The following CCSER1 variants were observed in gnomAD, a reference collection of about 807,000 sequenced individuals.
The protein encoded by CCSER1 is coiled-coil serine rich protein 1, also known as serine-rich coiled-coil domain-containing protein 1.
CCSER1 carries 41 observed loss-of-function variants against 82.0 expected under a neutral mutation model. That is an observed-to-expected ratio of 0.50 (90% CI 0.39 to 0.65). The LOEUF is 0.65. Among genes scored for constraint, CCSER1 ranks in the 30% least tolerant of loss-of-function variants. The pLI, the probability that CCSER1 is intolerant of heterozygous loss-of-function variation, is 0.00. For synonymous variants in CCSER1, 414 were observed against 383.9 expected (o/e 1.08, Z -0.92); for missense variants, 1,119 against 1,064.2 (o/e 1.05, Z -0.72).
intron 5 of CCSER1, among the ~76,000 whole-genome samples, chr4:90,472,385 T>C (rs910717164): frequency 2.6e-4 from 40 of 152,196 alleles, no homozygotes; most frequent in Middle Eastern, 3.2e-3. Flanking sequence ...CTTTTGACTT[T>C]TTTTATTAAA....
intron 3 of CCSER1, among the ~76,000 whole-genome samples, chr4:90,381,752 T>C (rs1578197000): frequency 1.3e-5 from 2 of 152,156 alleles, no homozygotes; most frequent in Admixed American, 1.3e-4. Flanking sequence ...GAGGAAAAAA[T>C]GATTTACAGT....
intron 7 of CCSER1, chr4:90,781,479 A>G (rs1007700893): frequency 1.0e-6 from 1 of 985,188 alleles, no homozygotes; most frequent in Non-Finnish European, 1.2e-6. Flanking sequence ...CATAAAGCCC[A>G]TGGAACTGAG....
At position 90,325,008 on chromosome 4, in the gene CCSER1, C is replaced by G. The variant is rs956086054; in HGVS notation, c.1509+11961C>G. 5.9e-5 allele frequency among the ~76,000 whole-genome samples: 9 copies of G among 152,174 alleles called. 1 individual carries two copies. The highest frequency in any genetic ancestry group is 1.9e-4 in the African/African-American group (8 of 41,440). ...ATACGTGGCGTTATTTCTGAGGGCT[C>G]TGTTCTATTCCATTGATCTATATCT... On this transcript the variant is annotated intron_variant, in intron 3 of 10. Coordinates refer to ENST00000509176, the MANE Select transcript of CCSER1 (RefSeq NM_001145065.2).
chr4:91,340,144 G>A (rs772817361), intron 10 of CCSER1, among the ~76,000 whole-genome samples: 1 of 151,976 alleles, frequency 6.6e-6, no homozygotes, highest in Non-Finnish European at 1.5e-5. Context: ...TAATTTATAA[G>A]TTTGCCACAG....
At chr4:90,339,117 C>T (rs79389067) in intron 3 of CCSER1, among the ~76,000 whole-genome samples, 106 of 152,256 alleles carry the variant, frequency 7.0e-4, no homozygotes, top group African/African-American at 2.0e-3. Flanking sequence ...CTATAGAACT[C>T]CAGACTAGTA....
chr4:90,899,546 C>A (rs752028894), intron 8 of CCSER1, among the ~76,000 whole-genome samples: 3 of 151,920 alleles, frequency 2.0e-5, no homozygotes, highest in South Asian at 2.1e-4. Flanking sequence ...AGAAAGAATT[C>A]TTTCAACTTT....
At chr4:91,155,318 C>T (rs1730705587) in intron 10 of CCSER1, among the ~76,000 whole-genome samples, 1 of 151,906 alleles carries the variant, frequency 6.6e-6, no homozygotes, top group African/African-American at 2.4e-5. Flanking sequence ...GCCCTCTTCC[C>T]TGCTGCCATG....
chr4:90,642,586 C>T (rs1477511077), intron 6 of CCSER1: 1 of 152,136 alleles, frequency 6.6e-6, no homozygotes, highest in African/African-American at 2.4e-5. Context: ...TGCCTGTAAT[C>T]CCAGCACTTC....
At chr4:90,570,247 T>G (rs1409869830) in intron 5 of CCSER1, among the ~76,000 whole-genome samples, 1 of 152,106 alleles carries the variant, frequency 6.6e-6, no homozygotes, top group African/African-American at 2.4e-5. Context: ...TGGTCTAGAA[T>G]GTCTGGAATG....
At chr4:91,253,710 T>C (rs955697452) in intron 10 of CCSER1, among the ~76,000 whole-genome samples, 13 of 152,194 alleles carry the variant, frequency 8.5e-5, no homozygotes, top group African/African-American at 3.1e-4. Context: ...GTTTCATTGC[T>C]ATAAAGAAAT....
chr4:90,466,298 C>G (rs1011240923), intron 4 of CCSER1, among the ~76,000 whole-genome samples: 8 of 152,202 alleles, frequency 5.3e-5, no homozygotes, highest in Admixed American at 4.6e-4. Flanking sequence ...CATGAGAGGG[C>G]TTCAATGTGA....
intron 9 of CCSER1, 36 bp downstream of exon 9, chr4:90,923,483 A>G: frequency 2.8e-6 from 4 of 1,420,122 alleles, no homozygotes; most frequent in South Asian, 1.2e-5. Context: ...TAACTTCATT[A>G]TTGGCATTCA....
At chr4:91,206,492 G>T (rs1276769691) in intron 10 of CCSER1, among the ~76,000 whole-genome samples, 1 of 151,938 alleles carries the variant, frequency 6.6e-6, no homozygotes, top group Non-Finnish European at 1.5e-5. Flanking sequence ...CCAGTATAGA[G>T]ATATTTGTTT....
intron 6 of CCSER1, among the ~76,000 whole-genome samples, chr4:90,722,723 T>C (rs1039540079): frequency 1.3e-5 from 2 of 151,938 alleles, no homozygotes; most frequent in Non-Finnish European, 2.9e-5. Context: ...ATTAACATTA[T>C]GCTGAATATC....
At chr4:90,149,981 A>G (rs1341429934) in intron 1 of CCSER1, among the ~76,000 whole-genome samples, 3 of 152,164 alleles carry the variant, frequency 2.0e-5, no homozygotes, top group Non-Finnish European at 4.4e-5. Context: ...CATGAGCTAT[A>G]AAGTTGACCC....
chr4:91,110,869 A>G (rs932857693), intron 10 of CCSER1, among the ~76,000 whole-genome samples: 18 of 145,058 alleles, frequency 1.2e-4, no homozygotes, highest in African/African-American at 3.2e-4. Context: ...TGCCTTTCAT[A>G]TATTATATTT....
chr4:91,062,232 C>A (rs780798149), intron 9 of CCSER1, among the ~76,000 whole-genome samples: 5 of 151,988 alleles, frequency 3.3e-5, no homozygotes, highest in African/African-American at 4.8e-5. Context: ...GTTTATAGCC[C>A]TAAAAGGGAT....
chr4:90,880,724 G>A (rs1313651612), intron 8 of CCSER1, among the ~76,000 whole-genome samples: 1 of 152,144 alleles, frequency 6.6e-6, no homozygotes, highest in African/African-American at 2.4e-5. Context: ...CCACTTTTCT[G>A]TAGGGCTGCT....
At chr4:90,581,958 A>C (rs1289996257) in intron 5 of CCSER1, among the ~76,000 whole-genome samples, 2 of 152,036 alleles carry the variant, frequency 1.3e-5, no homozygotes, top group African/African-American at 4.8e-5. Flanking sequence ...AGCAGGATAG[A>C]TATTATCAAA....
Sources: gnomAD v4.1 joint callset for allele counts (sites outside exome capture counted in the v4.1 genomes callset) on GRCh38, gnomAD v4.1.1 for gene constraint, MANE v1.5 for transcripts, NCBI Gene and HGNC (gene_info 2026-07-23, HGNC 2026-07-21) for gene names.